Variants in TMEM232 observed in about 807,000 individuals in gnomAD.
The protein encoded by TMEM232 is transmembrane protein 232.
Under a neutral mutation model 78.8 loss-of-function variants are expected in TMEM232, and 80 were observed. The observed-to-expected ratio is 1.01, with a 90% CI of 0.85 to 1.22. The LOEUF is 1.22. TMEM232 is among the 50% of genes most tolerant of loss of function. The pLI, the probability that TMEM232 is intolerant of heterozygous loss-of-function variation, is 0.00. For synonymous variants in TMEM232, 297 were observed against 254.3 expected, an observed-to-expected ratio of 1.17 and a Z score of -1.60; for missense variants, 881 against 742.2, an observed-to-expected ratio of 1.19 and a Z score of -2.17.
intron 8 of TMEM232, among the ~76,000 whole-genome samples, chr5:110,608,495 T>C (rs562650590): frequency 6.6e-6 from 1 of 152,086 alleles, no homozygotes; most frequent in East Asian, 1.9e-4. Flanking sequence ...GTAAAACTTC[T>C]TTTCCCCTGA....
intron 12 of TMEM232, among the ~76,000 whole-genome samples, chr5:110,478,858 A>G (rs2149390824): frequency 6.6e-6 from 1 of 151,042 alleles, no homozygotes; most frequent in East Asian, 1.9e-4. Flanking sequence ...GTTGTGAGAG[A>G]AGTAGAAGTG....
In TMEM232 at chr5:110,511,407, C is replaced by T. The variant is rs547519564; in HGVS notation, c.1703+17181G>A. ...TGTATACCTATGTAACAAACCTGCA[C>T]GCTCTGTGCATGTACCCCAGAACTT... On this transcript the variant is annotated intron_variant, in intron 12 of 13. Coordinates refer to ENST00000455884, the MANE Select transcript of TMEM232 (RefSeq NM_001039763.4). Among the ~76,000 whole-genome samples the T allele has an allele frequency of 1.0e-4, 15 of 150,722 alleles. 1 individual carries two copies. The South Asian group carries it at 1.9e-3, about 19-fold the overall frequency.
At chr5:110,420,890 T>A (rs1756563077) in intron 13 of TMEM232, 134 bp from the exon 14 acceptor site, 1 of 1,202,924 alleles carries the variant, frequency 8.3e-7, no homozygotes, top group Admixed American at 3.8e-5. Flanking sequence ...AAAAATTTTA[T>A]ATCTACCACA....
intron 11 of TMEM232, among the ~76,000 whole-genome samples, chr5:110,531,228 C>T (rs74907681): frequency 0.034 from 5,122 of 152,190 alleles, 113 homozygotes; most frequent in African/African-American, 0.064. Flanking sequence ...CATCTCCCTT[C>T]ACTGACTCTC....
At chr5:110,486,168 G>T (rs1432763536) in intron 12 of TMEM232, among the ~76,000 whole-genome samples, 1 of 146,122 alleles carries the variant, frequency 6.8e-6, no homozygotes, top group East Asian at 2.0e-4. Context: ...TTAACGGGAG[G>T]TTTTTTTTTT....
intron 1 of TMEM232, among the ~76,000 whole-genome samples, chr5:110,698,211 T>C (rs1433567229): frequency 6.6e-6 from 1 of 151,598 alleles, no homozygotes; most frequent in Non-Finnish European, 1.5e-5. Flanking sequence ...CCGCATGTTC[T>C]CACTCATAGG....
chr5:110,608,830 C>T (rs1781825003), intron 8 of TMEM232, among the ~76,000 whole-genome samples: 1 of 152,002 alleles, frequency 6.6e-6, no homozygotes, highest in Admixed American at 6.6e-5. Flanking sequence ...AATTTTCATA[C>T]AGCACTAGCT....
intron 1 of TMEM232, among the ~76,000 whole-genome samples, chr5:110,690,842 G>A (rs1794030819): frequency 2.0e-5 from 3 of 152,148 alleles, no homozygotes; most frequent in African/African-American, 7.2e-5. Flanking sequence ...GATGAAGCTG[G>A]AAACCATCAT....
At chr5:110,617,418 A>G (rs1451652595) in intron 8 of TMEM232, among the ~76,000 whole-genome samples, 2 of 152,158 alleles carry the variant, frequency 1.3e-5, no homozygotes, top group East Asian at 3.9e-4. Context: ...AGTAAATTTT[A>G]ATTGTTCTTA....
chr5:110,480,850 T>C (rs1763785371), intron 12 of TMEM232, among the ~76,000 whole-genome samples: 2 of 152,114 alleles, frequency 1.3e-5, no homozygotes, highest in African/African-American at 2.4e-5. Flanking sequence ...TATTCCATGA[T>C]AGCATATACA....
At position 110,640,904 on chromosome 5, in the gene TMEM232, C is replaced by T. The variant is rs1786591757; in HGVS notation, c.330G>A (p.Gly110=). ...TEVIYLAQCK[G]EIQDESLNML... is the part of the protein sequence containing the mutation. ...TAAAGTACGTACCATCTTGGATTTC[C>T]CCTTTGCATTGAGCCAGATATATTA... Residue 110 remains glycine, a synonymous_variant, in exon 4 of 14, where the codon GGG becomes GGA. Transcript: ENST00000455884. The T allele has an allele frequency of 2.0e-6, 3 of 1,530,832 alleles. No homozygotes were observed. The highest frequency in any genetic ancestry group is 2.6e-6 in the Non-Finnish European group (3 of 1,136,142). The allele number at this position is 1,530,832 out of a possible 1,614,324, so 94.8% of individuals were successfully genotyped here. A position where few individuals can be genotyped will look rare whatever the true frequency, so the allele number is the denominator to read the frequency against.
chr5:110,496,822 A>T (rs1217274639), intron 12 of TMEM232, among the ~76,000 whole-genome samples: 2 of 152,178 alleles, frequency 1.3e-5, no homozygotes, highest in South Asian at 4.1e-4. Flanking sequence ...TATCTGTTTG[A>T]TCCTAAAGAA....
intron 1 of TMEM232, among the ~76,000 whole-genome samples, chr5:110,683,986 T>A (rs1486810359): frequency 1.3e-5 from 2 of 152,006 alleles, no homozygotes; most frequent in Non-Finnish European, 2.9e-5. Flanking sequence ...TGCCAAAGAA[T>A]AATTCCATTA....
intron 1 of TMEM232, among the ~76,000 whole-genome samples, chr5:110,672,891 A>T (rs1791545557): frequency 6.6e-6 from 1 of 152,122 alleles, no homozygotes; most frequent in Non-Finnish European, 1.5e-5. Flanking sequence ...CATTATTTTA[A>T]GATTCGTTTT....
At chr5:110,719,423 T>C (rs892544362) in intron 1 of TMEM232, among the ~76,000 whole-genome samples, 11 of 152,192 alleles carry the variant, frequency 7.2e-5, no homozygotes, top group Admixed American at 3.3e-4. Context: ...GACGTATTTG[T>C]AATGGCTATT....
intron 13 of TMEM232, among the ~76,000 whole-genome samples, chr5:110,423,539 G>A (rs7708402): frequency 0.25 from 38,101 of 151,960 alleles, 7,341 homozygotes; most frequent in African/African-American, 0.52. Flanking sequence ...TAGGCTAGCC[G>A]CACATCAAAC....
At chr5:110,733,167 A>T (rs946750659) in intron 2 of TMEM232, among the ~76,000 whole-genome samples, 9 of 152,052 alleles carry the variant, frequency 5.9e-5, no homozygotes, top group African/African-American at 9.7e-5. Flanking sequence ...AAAAAGTAAA[A>T]AATAATAATA....
At position 110,422,224 on chromosome 5, in the gene TMEM232, A is replaced by T. The variant is rs566403815; in HGVS notation, c.1798-1468T>A. Among the ~76,000 whole-genome samples the T allele has an allele frequency of 8.5e-5, 13 of 152,232 alleles. No individual in the cohort carries two copies. In the South Asian group the frequency reaches 2.7e-3, roughly 32 times the overall value. On this transcript the variant is annotated intron_variant, in intron 13 of 13. Transcript: ENST00000455884. The stretch of plus-strand genomic sequence containing the variant: ...TATCCTGTATGAAATATTTCGATAG[A>T]TCTCATTATTTTGTTTTTTAGGCTC...
At chr5:110,717,839 C>T (rs1561562569) in intron 1 of TMEM232, among the ~76,000 whole-genome samples, 2 of 152,080 alleles carry the variant, frequency 1.3e-5, no homozygotes, top group Non-Finnish European at 2.9e-5. Context: ...TGCTTTCTGC[C>T]ACAACTGCAT....
Sources: allele counts gnomAD v4.1 joint callset (sites outside exome capture counted in the v4.1 genomes callset), GRCh38; gene constraint gnomAD v4.1.1; transcripts MANE v1.5; gene names NCBI Gene and HGNC (gene_info 2026-07-23, HGNC 2026-07-21).